TMC1: variants seen among roughly 807,000 people sequenced by gnomAD.
The protein encoded by TMC1 is transmembrane channel-like protein 1.
A neutral mutation model predicts 105.8 loss-of-function variants in TMC1; 84 were observed. The ratio of observed to expected loss-of-function variants is 0.79; its 90% CI spans 0.67 to 0.95. The LOEUF is 0.95. TMC1 is among the 40% of genes least tolerant of loss of function. The pLI, the probability that TMC1 is intolerant of heterozygous loss-of-function variation, is 0.00. For missense variants in TMC1, 817 were observed against 914.1 expected (o/e 0.89, Z 1.37); for synonymous variants, 315 against 311.5 (o/e 1.01, Z -0.12).
chr9:72,529,009 A>T (rs1823452143), intron 1 of TMC1, among the ~76,000 whole-genome samples: 1 of 151,920 alleles, frequency 6.6e-6, no homozygotes, highest in Non-Finnish European at 1.5e-5. Context: ...CTTACAGAGC[A>T]TTCATATTGT....
chr9:72,630,203 A>G (rs1825425437), intron 4 of TMC1, among the ~76,000 whole-genome samples: 1 of 152,196 alleles, frequency 6.6e-6, no homozygotes, highest in Non-Finnish European at 1.5e-5. Flanking sequence ...TGTAAGAATC[A>G]TAATATTTTC....
intron 8 of TMC1, among the ~76,000 whole-genome samples, chr9:72,723,009 A>C (rs1217005933): frequency 6.6e-6 from 1 of 152,208 alleles, no homozygotes; most frequent in Admixed American, 6.5e-5. Context: ...AACAACTGAA[A>C]GCAGAGGTTA....
At chr9:72,586,223 G>A (rs995463844) in intron 2 of TMC1, among the ~76,000 whole-genome samples, 8 of 152,198 alleles carry the variant, frequency 5.3e-5, no homozygotes, top group African/African-American at 1.7e-4. Flanking sequence ...TGATGGAGAT[G>A]CCAGTTTGAT....
At chr9:72,785,812 T>G (rs1370924714) in intron 13 of TMC1, among the ~76,000 whole-genome samples, 1 of 152,216 alleles carries the variant, frequency 6.6e-6, no homozygotes, top group African/African-American at 2.4e-5. Context: ...CCATTTAATA[T>G]TTTTGGAACC....
intron 1 of TMC1, among the ~76,000 whole-genome samples, chr9:72,566,038 CAAAAG>C (rs752058751): frequency 1.3e-4 from 20 of 152,160 alleles, no homozygotes; most frequent in Admixed American, 5.9e-4. Context: ...ATAAAATAAA[CAAAAG>C]AGAAGAGACA....
intron 15 of TMC1, among the ~76,000 whole-genome samples, chr9:72,791,214 C>T (rs1828261766): frequency 6.6e-6 from 1 of 151,928 alleles, no homozygotes. Flanking sequence ...CTCTCCCCAC[C>T]CCTGCATTAT....
intron 2 of TMC1, among the ~76,000 whole-genome samples, chr9:72,586,225 C>T (rs1292705230): frequency 6.6e-6 from 1 of 152,148 alleles, no homozygotes; most frequent in African/African-American, 2.4e-5. Context: ...ATGGAGATGC[C>T]AGTTTGATTC....
At chr9:72,714,108 T>C (rs1826881500) in intron 8 of TMC1, among the ~76,000 whole-genome samples, 1 of 152,220 alleles carries the variant, frequency 6.6e-6, no homozygotes, top group Non-Finnish European at 1.5e-5. Flanking sequence ...TGAGTTCTAA[T>C]TTGATTGCAC....
At chr9:72,743,566 CAA>C (rs386415092) in intron 10 of TMC1, among the ~76,000 whole-genome samples, 15 of 101,702 alleles carry the variant, frequency 1.5e-4, no homozygotes, top group Admixed American at 5.3e-4. Context: ...GACTCTGTTT[CAA>C]AAAAAAAAAA....
chr9:72,813,644 G>C (rs1178645711), intron 18 of TMC1, among the ~76,000 whole-genome samples: 3 of 152,162 alleles, frequency 2.0e-5, no homozygotes, highest in Non-Finnish European at 2.9e-5. Context: ...ATATATAAAT[G>C]AATGAATATA....
At chr9:72,556,274 A>C (rs1423584132) in intron 1 of TMC1, among the ~76,000 whole-genome samples, 1 of 150,970 alleles carries the variant, frequency 6.6e-6, no homozygotes, top group Non-Finnish European at 1.5e-5. Flanking sequence ...CTGCCATCAC[A>C]CCCAGATAAT....
intron 8 of TMC1, among the ~76,000 whole-genome samples, chr9:72,716,495 C>T (rs906309922): frequency 6.6e-6 from 1 of 152,188 alleles, no homozygotes; most frequent in Admixed American, 6.5e-5. Context: ...AGTTTGGGTG[C>T]AGTGTCCTTA....
At chr9:72,604,017 C>T (rs904810412) in intron 2 of TMC1, among the ~76,000 whole-genome samples, 2 of 151,982 alleles carry the variant, frequency 1.3e-5, no homozygotes, top group Non-Finnish European at 2.9e-5. Flanking sequence ...CAGGTGCCCA[C>T]CACCATGCCT....
intron 1 of TMC1, among the ~76,000 whole-genome samples, chr9:72,549,485 C>A (rs1823823520): frequency 6.6e-6 from 1 of 151,900 alleles, no homozygotes; most frequent in African/African-American, 2.4e-5. Flanking sequence ...CTCTGTCACC[C>A]AGGCTGGAGT....
In TMC1 at chr9:72,641,120, G is replaced by T. The variant is rs114079191; in HGVS notation, c.-52-7477G>T. Among the ~76,000 whole-genome samples the T allele has an allele frequency of 5.2e-3, 797 of 152,214 alleles. 6 individuals are homozygous for T. The highest frequency in any genetic ancestry group is 0.019 in the African/African-American group (769 of 41,542). ...ATTTATTTTTTCTTTTTAAGACAGG[G>T]CCTCACTCTGTTGCCCAGTCTGGAA... On this transcript the variant is annotated intron_variant, in intron 4 of 23. Transcript: ENST00000297784.
chr9:72,612,801 C>G (rs1218681888), intron 2 of TMC1, among the ~76,000 whole-genome samples: 2 of 152,086 alleles, frequency 1.3e-5, no homozygotes, highest in African/African-American at 4.8e-5. Flanking sequence ...TTGGTTGTCA[C>G]AACTGGAGGA....
chr9:72,656,893 G>C (rs1231899947), intron 5 of TMC1, among the ~76,000 whole-genome samples: 1 of 152,186 alleles, frequency 6.6e-6, no homozygotes, highest in African/African-American at 2.4e-5. Flanking sequence ...CTTTGATCTA[G>C]GAAATAGCCC....
intron 5 of TMC1, among the ~76,000 whole-genome samples, chr9:72,680,571 C>T (rs1013750714): frequency 1.3e-5 from 2 of 152,024 alleles, no homozygotes; most frequent in African/African-American, 4.8e-5. Flanking sequence ...GATGCTATTA[C>T]TATTTTGTCA....
At chr9:72,740,046 T>G (rs989961568) in intron 8 of TMC1, 73 bp from the exon 9 acceptor site, 1 of 1,159,468 alleles carries the variant, frequency 8.6e-7, no homozygotes, top group Non-Finnish European at 1.3e-6. Context: ...TAAATTCAAA[T>G]GTCCACTACT....
Sources: gnomAD v4.1 joint callset for allele counts (sites outside exome capture counted in the v4.1 genomes callset) on GRCh38, gnomAD v4.1.1 for gene constraint, MANE v1.5 for transcripts, NCBI Gene and HGNC (gene_info 2026-07-23, HGNC 2026-07-21) for gene names.